CALN1: variants seen among roughly 807,000 people sequenced by gnomAD.
CALN1 encodes calcium-binding protein 8.
CALN1 carries 17 observed loss-of-function variants against 30.6 expected under a neutral mutation model. That is an observed-to-expected ratio of 0.56 (90% CI 0.38 to 0.83). The LOEUF is 0.83. Ranked by LOEUF, CALN1 falls within the 40% of genes least tolerant of loss-of-function variation. CALN1 has a pLI of 0.00. For missense variants in CALN1, 291 were observed against 354.9 expected (o/e 0.82, Z 1.45); for synonymous variants, 156 against 131.4 (o/e 1.19, Z -1.28).
At chr7:72,387,228 AAGGGAAGGGAGGGGAGGG>A (rs1805268442) in intron 2 of CALN1, among the ~76,000 whole-genome samples, 2 of 74,326 alleles carry the variant, frequency 2.7e-5, no homozygotes, top group Non-Finnish European at 5.2e-5. Flanking sequence ...GAAGGGAAGG[AAGGGAAGGGAGGGGAGGG>A]AGGGAGGGAG....
intron 3 of CALN1, among the ~76,000 whole-genome samples, chr7:72,208,645 G>C (rs532410297): frequency 6.6e-6 from 1 of 152,084 alleles, no homozygotes; most frequent in African/African-American, 2.4e-5. Flanking sequence ...TTGCTTTTCC[G>C]TATTTTCCAG....
intron 6 of CALN1, among the ~76,000 whole-genome samples, chr7:71,801,376 T>TTATGTATGTATG (rs575924113): frequency 1.7e-4 from 21 of 121,664 alleles, no homozygotes; most frequent in South Asian, 9.3e-4. Flanking sequence ...CCATGCCTGG[T>TTATGTATGTATG]TATGTATGTA....
At chr7:71,935,279 G>C (rs947047480) in intron 5 of CALN1, among the ~76,000 whole-genome samples, 3 of 152,168 alleles carry the variant, frequency 2.0e-5, no homozygotes, top group African/African-American at 4.8e-5. Context: ...GCTCTTCCCA[G>C]AGCAGACAGC....
intron 5 of CALN1, among the ~76,000 whole-genome samples, chr7:71,906,211 G>A (rs894210275): frequency 5.3e-5 from 8 of 152,124 alleles, no homozygotes; most frequent in Non-Finnish European, 8.8e-5. Context: ...CATCTTTCTG[G>A]CACGCTCTGG....
At chr7:72,086,089 T>G (rs1019167830) in intron 4 of CALN1, among the ~76,000 whole-genome samples, 1 of 152,114 alleles carries the variant, frequency 6.6e-6, no homozygotes, top group Non-Finnish European at 1.5e-5. Flanking sequence ...TATAAAAGAA[T>G]GGCAAGTATA....
intron 2 of CALN1, among the ~76,000 whole-genome samples, chr7:72,352,388 C>CA (rs59245091): frequency 0.019 from 1,568 of 81,816 alleles, 133 homozygotes; most frequent in African/African-American, 0.063. Context: ...GACTCTGTCT[C>CA]AAAAAAAAAA....
intron 2 of CALN1, among the ~76,000 whole-genome samples, chr7:72,368,443 G>A (rs557581114): frequency 3.3e-5 from 5 of 151,950 alleles, no homozygotes; most frequent in Middle Eastern, 6.8e-3. Flanking sequence ...GATTCTGCAC[G>A]ACTTTGGCTT....
At chr7:72,262,339 T>G (rs1006019206) in intron 3 of CALN1, among the ~76,000 whole-genome samples, 3 of 152,212 alleles carry the variant, frequency 2.0e-5, no homozygotes, top group Non-Finnish European at 4.4e-5. Context: ...TAGAGGATCC[T>G]GGATCTTTTT....
intron 5 of CALN1, among the ~76,000 whole-genome samples, chr7:71,830,455 T>C (rs773070813): frequency 6.6e-6 from 1 of 152,020 alleles, no homozygotes; most frequent in Non-Finnish European, 1.5e-5. Flanking sequence ...TCAAGCAATT[T>C]TCCTGCCTCA....
chr7:71,995,299 G>GCA (rs1358612576), intron 5 of CALN1, among the ~76,000 whole-genome samples: 1 of 152,214 alleles, frequency 6.6e-6, no homozygotes, highest in African/African-American at 2.4e-5. Flanking sequence ...TCCTTTATTA[G>GCA]CACAGCTGCT....
chr7:72,099,554 A>T (rs140967302), intron 4 of CALN1, among the ~76,000 whole-genome samples: 87 of 152,124 alleles, frequency 5.7e-4, no homozygotes, highest in African/African-American at 2.0e-3. Context: ...GGTACCTGAG[A>T]AGTTTACTCA....
intron 1 of CALN1, among the ~76,000 whole-genome samples, chr7:72,444,778 C>T (rs79142870): frequency 0.013 from 2,032 of 152,268 alleles, 36 homozygotes; most frequent in African/African-American, 0.046. Flanking sequence ...TTAATCCTGA[C>T]AATGCTACCA....
At chr7:72,312,599 T>A (rs1335878612) in intron 2 of CALN1, among the ~76,000 whole-genome samples, 1 of 151,900 alleles carries the variant, frequency 6.6e-6, no homozygotes, top group Non-Finnish European at 1.5e-5. Context: ...CTTTTGCAAA[T>A]TCAAAATGTA....
At chr7:71,922,616 A>T (rs917618974) in intron 5 of CALN1, among the ~76,000 whole-genome samples, 2 of 139,146 alleles carry the variant, frequency 1.4e-5, no homozygotes, top group Non-Finnish European at 3.0e-5. Flanking sequence ...AACACACAGA[A>T]TATATTATAT....
intron 2 of CALN1, among the ~76,000 whole-genome samples, chr7:72,287,342 T>C (rs1798148715): frequency 6.6e-6 from 1 of 151,996 alleles, no homozygotes; most frequent in African/African-American, 2.4e-5. Flanking sequence ...ACATAAATGA[T>C]ATTACACCAT....
chr7:72,234,331 C>T (rs921452519), intron 3 of CALN1, among the ~76,000 whole-genome samples: 1 of 152,200 alleles, frequency 6.6e-6, no homozygotes, highest in Non-Finnish European at 1.5e-5. Flanking sequence ...CAGCAAAGTA[C>T]CTCCCACAGT....
At chr7:71,867,107 T>C (rs1791630263) in intron 5 of CALN1, among the ~76,000 whole-genome samples, 1 of 151,138 alleles carries the variant, frequency 6.6e-6, no homozygotes, top group Non-Finnish European at 1.5e-5. Flanking sequence ...GTCACACCAT[T>C]GCACTCCAGC....
At chr7:71,876,328 G>A (rs899652730) in intron 5 of CALN1, among the ~76,000 whole-genome samples, 1 of 152,102 alleles carries the variant, frequency 6.6e-6, no homozygotes, top group Non-Finnish European at 1.5e-5. Context: ...TTTAGAGTGG[G>A]TTGTTATAAA....
In CALN1 at chr7:72,125,799, CTTTTT is replaced by C. The variant is rs61475416; in HGVS notation, c.245-19510_245-19506del. On this transcript the variant is annotated intron_variant, in intron 3 of 6. Transcript: ENST00000395275. Reference sequence around the variant, plus strand: ...CAAGTCCCAAGTCCACTGTATCATTCTTTTTTTTTTTTTTTTTTTTGAGACGGAGT... The same window carrying C: ...CAAGTCCCAAGTCCACTGTATCATTCTTTTTTTTTTTTTTTGAGACGGAGT... 8.1e-4 allele frequency among the ~76,000 whole-genome samples: 93 copies of C among 114,756 alleles called. No individual in the cohort carries two copies. In the East Asian group the frequency reaches 0.014, roughly 17 times the overall value. The allele number at this position is 114,756 out of a possible 152,430, so 75.3% of individuals were successfully genotyped here. A position where few individuals can be genotyped will look rare whatever the true frequency, so the allele number is the denominator to read the frequency against.
Sources: allele counts gnomAD v4.1 joint callset (sites outside exome capture counted in the v4.1 genomes callset), GRCh38; gene constraint gnomAD v4.1.1; transcripts MANE v1.5; gene names NCBI Gene and HGNC (gene_info 2026-07-23, HGNC 2026-07-21).